Variants in MED13L observed in about 807,000 individuals in gnomAD.
MED13L encodes the protein mediator complex subunit 13L, also known as mediator of RNA polymerase II transcription subunit 13-like.
In MED13L, 7 loss-of-function variants were observed where a neutral mutation model predicts 220.9. The observed-to-expected ratio is 0.03, with a 90% CI of 0.02 to 0.06. The LOEUF is 0.06. Among genes scored for constraint, MED13L ranks in the 10% least tolerant of loss-of-function variants. MED13L has a pLI of 1.00. For synonymous variants in MED13L, 1,011 were observed against 1,015.2 expected, an observed-to-expected ratio of 1.00 and a Z score of 0.08; for missense variants, 1,965 against 2,760.5, an observed-to-expected ratio of 0.71 and a Z score of 6.46.
intron 4 of MED13L, among the ~76,000 whole-genome samples, chr12:116,029,932 A>G (rs1880630309): frequency 6.6e-6 from 1 of 152,116 alleles, no homozygotes; most frequent in South Asian, 2.1e-4. Flanking sequence ...ATGATGATAT[A>G]CAGTCTACAT....
At chr12:116,125,312 A>C (rs893549054) in intron 2 of MED13L, among the ~76,000 whole-genome samples, 2 of 152,220 alleles carry the variant, frequency 1.3e-5, no homozygotes, top group African/African-American at 2.4e-5. Flanking sequence ...TCAATCAATC[A>C]ATCAATCAAT....
chr12:116,215,467 T>C (rs942945768), intron 2 of MED13L, among the ~76,000 whole-genome samples: 3 of 152,210 alleles, frequency 2.0e-5, no homozygotes, highest in Non-Finnish European at 1.5e-5. Context: ...ATAGCTGATA[T>C]CTTATAAACT....
chr12:116,170,597 CTTTT>C (rs925140792), intron 2 of MED13L, among the ~76,000 whole-genome samples: 2 of 136,982 alleles, frequency 1.5e-5, no homozygotes, highest in African/African-American at 2.7e-5. Context: ...ATCATTTTTA[CTTTT>C]TTTTTTGTTT....
intron 30 of MED13L, among the ~76,000 whole-genome samples, chr12:115,961,914 G>C (rs1046589638): frequency 6.6e-6 from 1 of 151,712 alleles, no homozygotes; most frequent in Non-Finnish European, 1.5e-5. Flanking sequence ...AGGTTGCAGT[G>C]AGATCATGCC....
chr12:116,203,618 G>A (rs1160138124), intron 2 of MED13L, among the ~76,000 whole-genome samples: 2 of 151,926 alleles, frequency 1.3e-5, no homozygotes, highest in Admixed American at 1.3e-4. Flanking sequence ...TCAGGAGTTC[G>A]AGACCAGCCT....
At chr12:115,994,710 C>T (rs1878286137) in intron 16 of MED13L, among the ~76,000 whole-genome samples, 1 of 152,174 alleles carries the variant, frequency 6.6e-6, no homozygotes. Flanking sequence ...TTATTGGCAA[C>T]TGTATGTGCT....
chr12:116,075,691 A>C (rs2137706133), intron 4 of MED13L, among the ~76,000 whole-genome samples: 1 of 152,318 alleles, frequency 6.6e-6, no homozygotes, highest in East Asian at 1.9e-4. Flanking sequence ...GTACACATCT[A>C]GACCTGCAAG....
chr12:116,100,203 A>C (rs976381190), intron 3 of MED13L, among the ~76,000 whole-genome samples: 5 of 152,114 alleles, frequency 3.3e-5, no homozygotes, highest in Non-Finnish European at 7.4e-5. Flanking sequence ...TTTCTAAGGA[A>C]GACCTAATTG....
Position 116,277,109 on chromosome 12 carries a change from A to T in MED13L, c.23T>A (p.Val8Glu), listed in dbSNP as rs1873932740. The change falls in exon 1 of 31, where the codon GTG (valine) becomes GAG (glutamate). Residue 8 changes from valine (V) to glutamate (E), a missense_variant. Coordinates refer to ENST00000281928, the MANE Select transcript of MED13L (RefSeq NM_015335.5). MTAAANW[V>E]ANGASLEDCH... ...ATCCTCCAGGCTCGCCCCGTTCGCC[A>T]CCCAGTTCGCTGCCGCAGTCATGAT... is the stretch of plus-strand genomic sequence containing the variant. 1 of 1,586,676 alleles carries T rather than the reference A, an allele frequency of 6.3e-7. No individual in the cohort carries two copies. The highest frequency in any genetic ancestry group is 8.6e-7 in the Non-Finnish European group (1 of 1,168,648).
chr12:115,986,223 G>A (rs773192566), intron 19 of MED13L, 43 bp downstream of exon 19: 57 of 1,530,798 alleles, frequency 3.7e-5, no homozygotes, highest in Non-Finnish European at 5.1e-5. Flanking sequence ...AACAATCAGA[G>A]GATCCAAGTC....
At chr12:116,207,870 G>A (rs1171014678) in intron 2 of MED13L, among the ~76,000 whole-genome samples, 1 of 152,086 alleles carries the variant, frequency 6.6e-6, no homozygotes, top group Non-Finnish European at 1.5e-5. Flanking sequence ...AATCCTCAGT[G>A]CTCAGATTGT....
At chr12:116,228,873 T>C (rs1313112269) in intron 2 of MED13L, among the ~76,000 whole-genome samples, 6 of 152,166 alleles carry the variant, frequency 3.9e-5, no homozygotes, top group African/African-American at 1.4e-4. Context: ...TAAGAAAATA[T>C]TTTGCTAAGC....
intron 2 of MED13L, among the ~76,000 whole-genome samples, chr12:116,213,495 T>A (rs529102162): frequency 4.1e-4 from 62 of 152,338 alleles, no homozygotes; most frequent in Middle Eastern, 3.4e-3. Flanking sequence ...CACTGCAACC[T>A]CTGCCTCCAG....
intron 2 of MED13L, among the ~76,000 whole-genome samples, chr12:116,200,970 G>A (rs1241392373): frequency 6.6e-6 from 1 of 152,104 alleles, no homozygotes; most frequent in African/African-American, 2.4e-5. Context: ...GATCTGGAGA[G>A]AGCAGGTTAC....
At chr12:115,992,443 G>C (rs917182615) in intron 16 of MED13L, among the ~76,000 whole-genome samples, 1 of 151,776 alleles carries the variant, frequency 6.6e-6, no homozygotes, top group Admixed American at 6.6e-5. Flanking sequence ...CTTGTTCTCT[G>C]AGGCTATAAT....
chr12:116,173,264 A>G (rs1383568038), intron 2 of MED13L, among the ~76,000 whole-genome samples: 2 of 152,214 alleles, frequency 1.3e-5, no homozygotes, highest in East Asian at 1.9e-4. Context: ...ACTACTTTAA[A>G]ATAAAAACTT....
chr12:116,154,504 G>C (rs1014942260), intron 2 of MED13L, among the ~76,000 whole-genome samples: 1 of 152,096 alleles, frequency 6.6e-6, no homozygotes, highest in Admixed American at 6.6e-5. Flanking sequence ...CCATGCAAAC[G>C]ATTTGTTTTT....
chr12:115,964,371 G>A (rs1446954748), intron 29 of MED13L, among the ~76,000 whole-genome samples: 2 of 152,192 alleles, frequency 1.3e-5, no homozygotes, highest in Non-Finnish European at 2.9e-5. Context: ...TTAAAGGCAT[G>A]AAATGTCTAC....
chr12:116,165,473 G>C (rs1394834945), intron 2 of MED13L, among the ~76,000 whole-genome samples: 2 of 151,786 alleles, frequency 1.3e-5, no homozygotes, highest in Non-Finnish European at 2.9e-5. Context: ...TAGGACTATA[G>C]GCGCCCGCCA....
Sources: allele counts gnomAD v4.1 joint callset (sites outside exome capture counted in the v4.1 genomes callset), GRCh38; gene constraint gnomAD v4.1.1; transcripts MANE v1.5; gene names NCBI Gene and HGNC (gene_info 2026-07-23, HGNC 2026-07-21).